Variants in SORCS1 observed in about 807,000 individuals in gnomAD.
SORCS1 encodes the protein sortilin related VPS10 domain containing receptor 1.
In SORCS1, 60 loss-of-function variants were observed where a neutral mutation model predicts 146.1. The ratio of observed to expected loss-of-function variants is 0.41; its 90% confidence interval spans 0.33 to 0.51. The LOEUF is 0.51. SORCS1 is among the 20% of genes least tolerant of loss of function. SORCS1 has a pLI of 0.21. For missense variants in SORCS1, 1,352 were observed against 1,487.6 expected (o/e 0.91, Z 1.50); for synonymous variants, 637 against 584.0 (o/e 1.09, Z -1.31).
At chr10:107,171,742 C>T in the SORCS1 span, among the ~76,000 whole-genome samples, 1 of 152,092 alleles carries the variant, frequency 6.6e-6, no homozygotes, top group South Asian at 2.1e-4. Context: ...AAATGATCCA[C>T]CTGCCTTGGC....
intron 18 of SORCS1, among the ~76,000 whole-genome samples, chr10:106,633,204 A>T (rs566637105): frequency 2.6e-5 from 4 of 152,298 alleles, no homozygotes; most frequent in Middle Eastern, 3.4e-3. Flanking sequence ...ATAATCACAC[A>T]TATTTATGGG....
chr10:107,054,999 C>T (rs888352887), intron 1 of SORCS1, among the ~76,000 whole-genome samples: 4 of 152,156 alleles, frequency 2.6e-5, no homozygotes, highest in African/African-American at 9.7e-5. Context: ...GAGACACAGA[C>T]ATGAACACAG....
intron 1 of SORCS1, among the ~76,000 whole-genome samples, chr10:107,000,035 T>G (rs12261452): frequency 0.15 from 23,138 of 152,024 alleles, 5,768 homozygotes; most frequent in African/African-American, 0.52. Context: ...AGCAGAGAAG[T>G]GGGAGAAGGG....
At chr10:107,111,444 T>G (rs1469456220) in intron 1 of SORCS1, among the ~76,000 whole-genome samples, 1 of 152,120 alleles carries the variant, frequency 6.6e-6, no homozygotes. Flanking sequence ...AACAGACAAC[T>G]TTAACAGCAG....
At chr10:106,970,339 T>TTTTTTTTTTTTTTTC in intron 1 of SORCS1, among the ~76,000 whole-genome samples, 1 of 136,176 alleles carries the variant, frequency 7.3e-6, no homozygotes, top group Non-Finnish European at 1.5e-5. Flanking sequence ...AACATCTCTT[T>TTTTTTTTTTTTTTTC]TTTTTTTTTT....
intron 21 of SORCS1, among the ~76,000 whole-genome samples, chr10:106,615,689 C>T (rs937857611): frequency 8.0e-4 from 121 of 152,142 alleles, no homozygotes; most frequent in African/African-American, 2.6e-3. Flanking sequence ...CTCAACTGAC[C>T]AAAGACAAAT....
intron 1 of SORCS1, among the ~76,000 whole-genome samples, chr10:107,100,116 T>C (rs1590134967): frequency 1.3e-5 from 2 of 152,354 alleles, no homozygotes; most frequent in Middle Eastern, 6.8e-3. Context: ...CCATAGGTTT[T>C]TAAGATGTGA....
At chr10:106,989,381 C>A (rs1454502967) in intron 1 of SORCS1, among the ~76,000 whole-genome samples, 1 of 151,058 alleles carries the variant, frequency 6.6e-6, no homozygotes, top group African/African-American at 2.4e-5. Context: ...GGTCCACTAA[C>A]AGCAGTAAAC....
At chr10:106,991,579 G>C (rs769886445) in intron 1 of SORCS1, among the ~76,000 whole-genome samples, 13 of 152,178 alleles carry the variant, frequency 8.5e-5, no homozygotes, top group Non-Finnish European at 1.8e-4. Flanking sequence ...TATGCCTTTT[G>C]AAACAGAGTC....
intron 16 of SORCS1, among the ~76,000 whole-genome samples, chr10:106,669,357 C>T (rs1851412168): frequency 6.6e-6 from 1 of 152,062 alleles, no homozygotes; most frequent in Non-Finnish European, 1.5e-5. Flanking sequence ...CATCTCATCT[C>T]ATCTCATTTT....
intron 1 of SORCS1, among the ~76,000 whole-genome samples, chr10:107,112,764 C>G (rs1053446541): frequency 2.0e-5 from 3 of 152,024 alleles, no homozygotes; most frequent in African/African-American, 7.2e-5. Context: ...GATTTTCAGT[C>G]AAAATCTGTT....
chr10:106,903,632 G>A (rs1277157334), intron 2 of SORCS1, among the ~76,000 whole-genome samples: 3 of 152,286 alleles, frequency 2.0e-5, no homozygotes, highest in Non-Finnish European at 2.9e-5. Context: ...AAAGAGTGAC[G>A]ATTTTGAAGG....
chr10:106,580,275 T>C (rs1029787786), intron 24 of SORCS1, among the ~76,000 whole-genome samples: 2 of 152,060 alleles, frequency 1.3e-5, no homozygotes, highest in Non-Finnish European at 2.9e-5. Flanking sequence ...CTGACAGCCC[T>C]CCCCAAGATG....
At chr10:106,802,350 G>A (rs1589916161) in intron 3 of SORCS1, among the ~76,000 whole-genome samples, 1 of 152,216 alleles carries the variant, frequency 6.6e-6, no homozygotes, top group East Asian at 1.9e-4. Flanking sequence ...CACTTTTTTT[G>A]AGACGGAGTC....
chr10:106,672,529 TC>T (rs1210249556), intron 15 of SORCS1, among the ~76,000 whole-genome samples: 1 of 152,196 alleles, frequency 6.6e-6, no homozygotes. Flanking sequence ...GAAGATATCT[TC>T]CTCATCCCTG....
chr10:106,900,405 C>CT (rs1302127533), intron 2 of SORCS1, among the ~76,000 whole-genome samples: 1 of 152,114 alleles, frequency 6.6e-6, no homozygotes, highest in Admixed American at 6.5e-5. Flanking sequence ...CTCTCTGTGG[C>CT]TTTTCTCTAG....
chr10:106,711,256 T>C (rs1854965140), intron 6 of SORCS1, among the ~76,000 whole-genome samples: 1 of 152,214 alleles, frequency 6.6e-6, no homozygotes, highest in Non-Finnish European at 1.5e-5. Context: ...TACTTGTTTT[T>C]GATGCTTAAT....
intron 6 of SORCS1, among the ~76,000 whole-genome samples, chr10:106,725,458 G>A (rs1480527711): frequency 6.6e-6 from 1 of 151,922 alleles, no homozygotes; most frequent in Non-Finnish European, 1.5e-5. Context: ...GGCTGAGGCA[G>A]GAGAATCACT....
chr10:106,691,964 C>G (rs922522520), intron 9 of SORCS1, among the ~76,000 whole-genome samples: 3 of 152,084 alleles, frequency 2.0e-5, no homozygotes, highest in Non-Finnish European at 4.4e-5. Context: ...CTAATACAAC[C>G]TTCGGATTGT....
Sources: allele counts gnomAD v4.1 joint callset (sites outside exome capture counted in the v4.1 genomes callset), GRCh38; gene constraint gnomAD v4.1.1; transcripts MANE v1.5; gene names NCBI Gene and HGNC (gene_info 2026-07-23, HGNC 2026-07-21).